The following KLF8 variants were observed in gnomAD, a reference collection of about 807,000 sequenced individuals.
KLF8 encodes KLF transcription factor 8.
Under a neutral mutation model 18.2 loss-of-function variants are expected in KLF8, and 10 were observed. The observed-to-expected ratio is 0.55, with a 90% confidence interval of 0.34 to 0.93. The LOEUF is 0.93. KLF8 is among the 40% of genes least tolerant of loss of function. The probability of loss-of-function intolerance (pLI) is 0.02; values close to 1 mark genes in which losing one functional copy is unlikely to be tolerated. For synonymous variants in KLF8, 109 were observed against 97.3 expected, an observed-to-expected ratio of 1.12 and a Z score of -0.71; for missense variants, 264 against 277.9, an observed-to-expected ratio of 0.95 and a Z score of 0.36.
chrX:56,158,724 G>A, the KLF8 span, among the ~76,000 whole-genome samples: 1,324 of 111,940 alleles, frequency 0.012, 10 homozygotes, highest in African/African-American at 0.041. Flanking sequence ...TGTGATTTTT[G>A]CACATTGATT....
At chrX:56,193,787 A>G in the KLF8 span, among the ~76,000 whole-genome samples, 1 of 111,540 alleles carries the variant, frequency 9.0e-6, no homozygotes, top group Non-Finnish European at 1.9e-5. Flanking sequence ...ACTCATGGGG[A>G]CAGAGTAGAA....
chrX:55,969,144 C>T, the KLF8 span, among the ~76,000 whole-genome samples: 1 of 111,790 alleles, frequency 8.9e-6, no homozygotes, highest in Non-Finnish European at 1.9e-5. Flanking sequence ...TGAATGGCTG[C>T]AGGATATACA....
rs375686091 is a variant in KLF8 at position 56,245,875 on chromosome X, C to CA, written c.8-4347dup. Among the ~76,000 whole-genome samples, 390 of 109,310 alleles carry CA rather than the reference C, an allele frequency of 3.6e-3. 1 individual carries two copies. Among genetic ancestry groups the CA allele is most frequent in the African/African-American group, 0.011 (324 of 30,176 alleles). The allele number at this position is 109,310 out of a possible 115,157, so 94.9% of individuals were successfully genotyped here. A position where few individuals can be genotyped will look rare whatever the true frequency, so the allele number is the denominator to read the frequency against. ...AGCAAGAGGCTCATAAATCCCTCTT[C>CA]AAAAAAAAACAGAGCCTTCTTTAAG... On this transcript the variant is annotated intron_variant, in intron 1 of 5. Transcript: ENST00000468660.
chrX:56,265,609 A>C lies in KLF8; in HGVS notation c.511A>C (p.Lys171Gln), dbSNP rs2066961214. The C allele has an allele frequency of 3.3e-6, 4 of 1,210,152 alleles. No individual in the cohort carries two copies. The highest frequency in any genetic ancestry group is 4.5e-6 in the Non-Finnish European group (4 of 895,256). ...TATCCCCTCAGTCAGTCTGCCAAAT[A>C]AGATGGGTGGCCTGAAGACCATCCC... ...HTIPSVSLPN[K>Q]MGGLKTIPVV... The change falls in exon 3 of 6, where the codon AAG (lysine) becomes CAG (glutamine). Residue 171 changes from lysine to glutamine, a missense_variant. By Grantham distance (53) the Lys-to-Gln change is moderately conservative (BLOSUM62 1). Transcript: ENST00000468660.
the KLF8 span, among the ~76,000 whole-genome samples, chrX:56,167,780 C>T: frequency 8.9e-6 from 1 of 112,239 alleles, no homozygotes; most frequent in Admixed American, 9.5e-5. Context: ...TAAAATATCC[C>T]AGTTCAGGCA....
At chrX:56,046,564 G>A in the KLF8 span, among the ~76,000 whole-genome samples, 1 of 109,393 alleles carries the variant, frequency 9.1e-6, no homozygotes, top group Non-Finnish European at 1.9e-5. Flanking sequence ...TTCTTTTAGT[G>A]CTGAATTGGT....
the KLF8 span, among the ~76,000 whole-genome samples, chrX:55,974,802 T>C: frequency 2.7e-5 from 3 of 112,189 alleles, no homozygotes; most frequent in Non-Finnish European, 5.6e-5. Flanking sequence ...TTAGCATTTT[T>C]GTAGAGATTG....
chrX:56,137,523 C>T, the KLF8 span, among the ~76,000 whole-genome samples: 2 of 103,251 alleles, frequency 1.9e-5, no homozygotes, highest in African/African-American at 7.2e-5. Flanking sequence ...CCAAACAATG[C>T]ATATTCTCAC....
the KLF8 span, among the ~76,000 whole-genome samples, chrX:55,964,753 A>T: frequency 2.7e-5 from 3 of 111,881 alleles, no homozygotes; most frequent in South Asian, 1.1e-3. Flanking sequence ...ATACATAAAA[A>T]CTACCAGAGA....
chrX:56,115,326 G>A, the KLF8 span, among the ~76,000 whole-genome samples: 1 of 111,142 alleles, frequency 9.0e-6, no homozygotes, highest in Non-Finnish European at 1.9e-5. Context: ...GAAGGGGAAG[G>A]TTAGATAGTC....
the KLF8 span, among the ~76,000 whole-genome samples, chrX:56,068,797 C>G: frequency 8.1e-5 from 9 of 111,704 alleles, no homozygotes; most frequent in Non-Finnish European, 1.5e-4. Flanking sequence ...GACACAGCTT[C>G]ATGTTGTCCC....
the KLF8 span, among the ~76,000 whole-genome samples, chrX:56,170,308 T>C: frequency 2.7e-5 from 3 of 110,055 alleles, no homozygotes; most frequent in African/African-American, 9.9e-5. Context: ...ATCAAGACCA[T>C]CCAGGAAAAC....
the KLF8 span, among the ~76,000 whole-genome samples, chrX:56,155,197 A>C: frequency 1.1e-4 from 12 of 111,949 alleles, no homozygotes; most frequent in East Asian, 3.4e-3. Context: ...AAAGACCTGG[A>C]ATCAACCCAA....
the KLF8 span, among the ~76,000 whole-genome samples, chrX:56,147,715 A>C: frequency 1.8e-5 from 2 of 112,263 alleles, no homozygotes; most frequent in African/African-American, 6.5e-5. Context: ...ATGGTGGTTC[A>C]TGCCTGTAAT....
chrX:56,109,433 G>A, the KLF8 span, among the ~76,000 whole-genome samples: 5 of 108,887 alleles, frequency 4.6e-5, no homozygotes, highest in African/African-American at 1.7e-4. Context: ...TCTGAAGAAT[G>A]TTCCATGCTC....
At chrX:56,001,490 C>T in the KLF8 span, among the ~76,000 whole-genome samples, 4 of 112,119 alleles carry the variant, frequency 3.6e-5, no homozygotes, top group Non-Finnish European at 7.5e-5. Flanking sequence ...TTTGCATCTT[C>T]AATTTCTCTA....
the KLF8 span, among the ~76,000 whole-genome samples, chrX:55,936,803 C>T: frequency 9.1e-6 from 1 of 110,277 alleles, no homozygotes; most frequent in Non-Finnish European, 1.9e-5. Context: ...TGACATCAAA[C>T]TGCAAGTCGG....
chrX:56,104,359 G>T, the KLF8 span, among the ~76,000 whole-genome samples: 1 of 110,943 alleles, frequency 9.0e-6, no homozygotes, highest in Non-Finnish European at 1.9e-5. Flanking sequence ...TTTTTTGGTT[G>T]GTAAGCTATT....
intron 2 of KLF8, among the ~76,000 whole-genome samples, chrX:56,262,931 A>G (rs2066904249): frequency 9.0e-6 from 1 of 111,547 alleles, no homozygotes; most frequent in African/African-American, 3.3e-5. Context: ...CCTACACTGA[A>G]CCTCTTCTTA....
Sources: gnomAD v4.1 joint callset for allele counts (sites outside exome capture counted in the v4.1 genomes callset) on GRCh38, gnomAD v4.1.1 for gene constraint, MANE v1.5 for transcripts, NCBI Gene and HGNC (gene_info 2026-07-23, HGNC 2026-07-21) for gene names.